RALGAPB: variants seen among roughly 807,000 people sequenced by gnomAD.
RALGAPB encodes ral GTPase-activating protein subunit beta.
In RALGAPB, 25 loss-of-function variants were observed where a neutral mutation model predicts 161.1. The ratio of observed to expected loss-of-function variants is 0.16; its 90% CI spans 0.11 to 0.22. RALGAPB has a LOEUF of 0.22. Ranked by LOEUF, RALGAPB falls within the 10% of genes least tolerant of loss-of-function variation. The probability of loss-of-function intolerance (pLI) is 1.00; values close to 1 mark genes in which losing one functional copy is unlikely to be tolerated. For missense variants in RALGAPB, 1,391 were observed against 1,815.2 expected, an observed-to-expected ratio of 0.77 and a Z score of 4.25; for synonymous variants, 629 against 626.1, an observed-to-expected ratio of 1.00 and a Z score of -0.07.
intron 16 of RALGAPB, among the ~76,000 whole-genome samples, chr20:38,538,928 A>G (rs143168293): frequency 2.6e-5 from 4 of 152,334 alleles, no homozygotes; most frequent in African/African-American, 7.2e-5. Flanking sequence ...CGATATAAAT[A>G]CCTTGTACAT....
In RALGAPB at chr20:38,517,799, G is replaced by A. The variant is rs1466414116; in HGVS notation, c.1216G>A (p.Ala406Thr). 3.7e-6 allele frequency: 6 copies of A among 1,613,078 alleles called. No individual in the cohort carries two copies. The highest frequency in any genetic ancestry group is 1.3e-5 in the African/African-American group (1 of 74,882). ...CGTCTAATAGGTTAGTACTGCTCAT[G>A]CCTCTAAAGTTCAGCACCAGACGTC... is the stretch of plus-strand genomic sequence containing the variant. ...MKTSTVSTAH[A>T]SKVQHQTSST... Residue 406 changes from alanine to threonine, a missense_variant, in exon 9 of 30, where the codon GCC becomes ACC. By Grantham distance (58) the Ala-to-Thr change is moderately conservative. Coordinates refer to ENST00000262879, the MANE Select transcript of RALGAPB (RefSeq NM_020336.4).
chr20:38,509,821 G>T (rs2085879599), intron 6 of RALGAPB, among the ~76,000 whole-genome samples: 1 of 151,846 alleles, frequency 6.6e-6, no homozygotes, highest in African/African-American at 2.4e-5. Flanking sequence ...TTCTCTTTCT[G>T]GTTTAACTAG....
In RALGAPB at chr20:38,526,039, T is replaced by C. The variant is rs765898224; in HGVS notation, c.2047T>C (p.Leu683=). The stretch of plus-strand genomic sequence containing the variant: ...GGACCCCAACAACACCCAAATGATA[T>C]TAGGTTTGTATTCACACGTTATTTT... ...ETDPNNTQMI[L]GAMLNIVQDS... The change falls in exon 13 of 30, where the codon TTA becomes CTA. Residue 683 remains leucine, a synonymous_variant. Transcript: ENST00000262879. The C allele has an allele frequency of 1.3e-5, 21 of 1,613,790 alleles. 1 individual carries two copies. Among genetic ancestry groups the C allele is most frequent in the Middle Eastern group, 1.6e-4 (1 of 6,062 alleles).
chr20:38,528,520 GC>G (rs1490250109), intron 13 of RALGAPB, among the ~76,000 whole-genome samples: 2 of 151,762 alleles, frequency 1.3e-5, no homozygotes, highest in African/African-American at 4.8e-5. Context: ...ACAGGCGTGT[GC>G]CACCACACCT....
intron 18 of RALGAPB, among the ~76,000 whole-genome samples, chr20:38,542,548 A>G (rs773231062): frequency 5.9e-5 from 9 of 152,202 alleles, no homozygotes; most frequent in Non-Finnish European, 1.2e-4. Context: ...GATGAATACT[A>G]GAAGTAATAT....
intron 16 of RALGAPB, among the ~76,000 whole-genome samples, chr20:38,537,052 C>G (rs1295724197): frequency 6.6e-6 from 1 of 152,194 alleles, no homozygotes; most frequent in Non-Finnish European, 1.5e-5. Context: ...GAGCACTGCT[C>G]TGGACCTGCC....
chr20:38,518,347 G>A (rs908084678), intron 9 of RALGAPB, among the ~76,000 whole-genome samples: 2 of 152,062 alleles, frequency 1.3e-5, no homozygotes, highest in African/African-American at 4.8e-5. Flanking sequence ...TTAAAAATTC[G>A]AACTGGAAAT....
At chr20:38,553,507 T>G (rs1364284047) in intron 21 of RALGAPB, among the ~76,000 whole-genome samples, 1 of 152,130 alleles carries the variant, frequency 6.6e-6, no homozygotes, top group Non-Finnish European at 1.5e-5. Context: ...GTTGAAGGTA[T>G]AGGGAAGTTT....
At chr20:38,475,189 G>C (rs1202725839) in intron 1 of RALGAPB, among the ~76,000 whole-genome samples, 3 of 152,194 alleles carry the variant, frequency 2.0e-5, no homozygotes, top group Non-Finnish European at 4.4e-5. Flanking sequence ...GTCCAAAAAA[G>C]TGTTTAGTTG....
At chr20:38,524,975 A>C (rs372843040) in intron 11 of RALGAPB, 30 bp downstream of exon 11, 10 of 1,574,826 alleles carry the variant, frequency 6.3e-6, no homozygotes, top group African/African-American at 5.4e-5. Flanking sequence ...TATTATATCA[A>C]CTGTCTGATT....
intron 1 of RALGAPB, among the ~76,000 whole-genome samples, chr20:38,482,915 G>A (rs1428234037): frequency 6.6e-6 from 1 of 152,024 alleles, no homozygotes; most frequent in African/African-American, 2.4e-5. Flanking sequence ...ACAGAGTCCC[G>A]CTCTGTAGCC....
Position 38,548,763 on chromosome 20 carries a change from C to A in RALGAPB, c.2977C>A (p.Leu993Ile). The change falls in exon 20 of 30, where the codon CTT (leucine) becomes ATT (isoleucine). Residue 993 changes from leucine to isoleucine, a missense_variant. By Grantham distance (5) the Leu-to-Ile change is conservative (BLOSUM62 2). Coordinates refer to ENST00000262879, the MANE Select transcript of RALGAPB (RefSeq NM_020336.4). Reference sequence around the variant, plus strand: ...ACTTGCTTGGGCACAACAGCTTTGTCTTTTACCCAGAGGAGCAAAAGCAAA... The same window carrying A: ...ACTTGCTTGGGCACAACAGCTTTGTATTTTACCCAGAGGAGCAAAAGCAAA... ...GRLAWAQQLC[L>I]LPRGAKANQK... 1 of 1,613,924 alleles carries A rather than the reference C, an allele frequency of 6.2e-7. No individual in the cohort carries two copies. Among genetic ancestry groups the A allele is most frequent in the East Asian group, 2.2e-5 (1 of 44,880 alleles).
rs567725274 is a variant in RALGAPB, at chr20:38,532,309, G to A, written c.2116-421G>A. Among the ~76,000 whole-genome samples the A allele has an allele frequency of 1.7e-4, 26 of 152,158 alleles. No homozygotes were observed. In the South Asian group the frequency reaches 3.1e-3, roughly 18 times the overall value. ...CCTGACCTCGTGATCCGCCTGCCTC[G>A]GCCTCCCAAAGTGCCGGGATTACAG... On this transcript the variant is annotated intron_variant, in intron 14 of 29. Coordinates refer to ENST00000262879, the MANE Select transcript of RALGAPB (RefSeq NM_020336.4).
chr20:38,504,573 G>A (rs1365534481), intron 5 of RALGAPB, among the ~76,000 whole-genome samples: 1 of 152,016 alleles, frequency 6.6e-6, no homozygotes, highest in Admixed American at 6.6e-5. Flanking sequence ...AAAAACAATC[G>A]ACAAGTGGTA....
intron 21 of RALGAPB, among the ~76,000 whole-genome samples, chr20:38,553,221 G>T (rs2087438142): frequency 6.6e-6 from 1 of 152,162 alleles, no homozygotes; most frequent in South Asian, 2.1e-4. Context: ...GGAGCTTGTA[G>T]AATTCTGAGC....
intron 5 of RALGAPB, among the ~76,000 whole-genome samples, chr20:38,508,124 AG>A (rs1196345233): frequency 3.3e-5 from 5 of 151,132 alleles, no homozygotes; most frequent in Non-Finnish European, 7.4e-5. Context: ...TAATTATATA[AG>A]TATAATTACA....
At chr20:38,502,847 C>T (rs965209843) in intron 5 of RALGAPB, among the ~76,000 whole-genome samples, 1 of 152,140 alleles carries the variant, frequency 6.6e-6, no homozygotes, top group Non-Finnish European at 1.5e-5. Flanking sequence ...TCATGTGAGC[C>T]GCCCCACCTC....
intron 1 of RALGAPB, among the ~76,000 whole-genome samples, chr20:38,484,101 C>T (rs1377589610): frequency 6.6e-6 from 1 of 152,106 alleles, no homozygotes; most frequent in Non-Finnish European, 1.5e-5. Context: ...ATTGCTTGAA[C>T]CCAGGAGGCG....
chr20:38,574,311 T>TGA lies in RALGAPB; in HGVS notation c.4291+13_4291+14insGA. ...AGGCGAGCTCTTGGTAAGGTCTTCATATGTGGCCGAAGAGTTAAATTTTCT... is the reference window on the plus strand; with the variant it reads ...AGGCGAGCTCTTGGTAAGGTCTTCATGAATGTGGCCGAAGAGTTAAATTTTCT... On this transcript the variant is annotated intron_variant, in intron 29 of 29. Transcript: ENST00000262879. The TGA allele has an allele frequency of 6.3e-7, 1 of 1,584,716 alleles. No homozygotes were observed. The highest frequency in any genetic ancestry group is 8.5e-7 in the Non-Finnish European group (1 of 1,170,734).
Sources: allele counts gnomAD v4.1 joint callset (sites outside exome capture counted in the v4.1 genomes callset), GRCh38; gene constraint gnomAD v4.1.1; transcripts MANE v1.5; gene names NCBI Gene and HGNC (gene_info 2026-07-23, HGNC 2026-07-21).